The following NFXL1 variants were observed in gnomAD, a reference collection of about 807,000 sequenced individuals.
NFXL1 encodes NF-X1-type zinc finger protein NFXL1.
NFXL1 carries 66 observed loss-of-function variants against 123.3 expected under a neutral mutation model. The ratio of observed to expected loss-of-function variants is 0.54; its 90% CI spans 0.44 to 0.66. NFXL1 has a LOEUF of 0.66. Among genes scored for constraint, NFXL1 ranks in the 30% least tolerant of loss-of-function variants. The pLI, the probability that NFXL1 is intolerant of heterozygous loss-of-function variation, is 0.00. For missense variants in NFXL1, 944 were observed against 1,125.6 expected, an observed-to-expected ratio of 0.84 and a Z score of 2.31; for synonymous variants, 346 against 360.8, an observed-to-expected ratio of 0.96 and a Z score of 0.46.
chr4:47,891,049 T>G (rs1736735125), intron 11 of NFXL1, among the ~76,000 whole-genome samples: 1 of 152,160 alleles, frequency 6.6e-6, no homozygotes, highest in African/African-American at 2.4e-5. Flanking sequence ...TAAAAAAAAT[T>G]TAATTAAAAT....
chr4:47,880,608 A>G (rs970490667), intron 15 of NFXL1, among the ~76,000 whole-genome samples: 4 of 151,882 alleles, frequency 2.6e-5, no homozygotes, highest in Admixed American at 2.6e-4. Context: ...CACATGTATC[A>G]GTGCCATATT....
At chr4:47,891,702 AG>A (rs1357836902) in intron 11 of NFXL1, among the ~76,000 whole-genome samples, 1 of 152,228 alleles carries the variant, frequency 6.6e-6, no homozygotes, top group Non-Finnish European at 1.5e-5. Context: ...TGTATATAAG[AG>A]TAAGTTTCAT....
intron 8 of NFXL1, 117 bp from the exon 9 acceptor site, chr4:47,898,198 ATTATT>A: frequency 1.6e-6 from 1 of 618,266 alleles, no homozygotes; most frequent in Non-Finnish European, 2.8e-6. Flanking sequence ...CGTCCCTCAT[ATTATT>A]TTACTTTATA....
At chr4:47,888,689 A>G (rs906299902) in intron 12 of NFXL1, among the ~76,000 whole-genome samples, 1 of 151,000 alleles carries the variant, frequency 6.6e-6, no homozygotes, top group Admixed American at 6.6e-5. Context: ...TGCAATCTGC[A>G]AAACTCAGAC....
At chr4:47,913,877 G>A in intron 2 of NFXL1, 92 bp downstream of exon 2, 6 of 830,858 alleles carry the variant, frequency 7.2e-6, no homozygotes, top group Non-Finnish European at 1.8e-6. Flanking sequence ...GGGAAAAGCA[G>A]TGAAAGAAAG....
At chr4:47,906,490 A>C (rs1042898182) in intron 3 of NFXL1, among the ~76,000 whole-genome samples, 1 of 152,184 alleles carries the variant, frequency 6.6e-6, no homozygotes, top group Non-Finnish European at 1.5e-5. Context: ...GATTTAGAAC[A>C]TTAAGCAAAA....
At chr4:47,851,200 A>G in intron 21 of NFXL1, 52 bp from the exon 22 acceptor site, 1 of 1,364,028 alleles carries the variant, frequency 7.3e-7, no homozygotes. Flanking sequence ...CACATTTTAT[A>G]TGGAATTTTA....
At chr4:47,894,430 A>G (rs1255302593) in intron 10 of NFXL1, 128 bp from the exon 11 acceptor site, 2 of 529,798 alleles carry the variant, frequency 3.8e-6, no homozygotes, top group Non-Finnish European at 6.1e-6. Context: ...AACAAACTTT[A>G]CCAAAAACCA....
chr4:47,851,995 T>C (rs1474122358), intron 20 of NFXL1, 53 bp from the exon 21 acceptor site: 13 of 1,290,960 alleles, frequency 1.0e-5, no homozygotes, highest in Non-Finnish European at 1.5e-5. Context: ...CAAAGACCTG[T>C]CTGCCATAAA....
Position 47,867,642 on chromosome 4 carries a change from TGGA to T in NFXL1, c.2247-4730_2247-4728del, listed in dbSNP as rs35467475. ...TAATAAAAACATTAGATTTTAAAGA[TGGA>T]GGAGGAGGAGGAGGGAAGTGAAGGA... is the stretch of plus-strand genomic sequence containing the variant. On this transcript the variant is annotated intron_variant, in intron 18 of 22. Coordinates refer to ENST00000507489, the MANE Select transcript of NFXL1 (RefSeq NM_001278624.2). Among the ~76,000 whole-genome samples the T allele has an allele frequency of 5.3e-5, 8 of 151,264 alleles. No homozygotes were observed. The East Asian group carries it at 9.7e-4, about 18-fold the overall frequency.
intron 16 of NFXL1, among the ~76,000 whole-genome samples, chr4:47,878,885 A>G (rs1213368712): frequency 1.3e-5 from 2 of 152,148 alleles, no homozygotes; most frequent in East Asian, 1.9e-4. Flanking sequence ...GGAAAATTCA[A>G]TATGATTCTG....
chr4:47,914,044 C>T lies in NFXL1; in HGVS notation c.160G>A (p.Val54Ile). The T allele has an allele frequency of 3.9e-6, 6 of 1,549,582 alleles. No individual in the cohort carries two copies. In the South Asian group the frequency reaches 7.1e-5, roughly 18 times the overall value. The part of the protein sequence containing the change: ...AVPSGTSPGG[V>I]ATTAAAGSRH... ...CTCCCTGCAGCCGCCGTGGTCGCGA[C>T]TCCTCCGGGACTGGTGCCAGAAGGA... The change falls in exon 2 of 23, where the codon GTC becomes ATC. Residue 54 changes from valine to isoleucine, a missense_variant. By Grantham distance (29) the Val-to-Ile change is conservative. Transcript: ENST00000507489.
chr4:47,876,154 A>C (rs1427125058), intron 17 of NFXL1, among the ~76,000 whole-genome samples: 1 of 152,040 alleles, frequency 6.6e-6, no homozygotes, highest in Non-Finnish European at 1.5e-5. Context: ...CAAATTATAA[A>C]AATATTATTT....
rs149660850 is a variant in NFXL1 at position 47,849,744 on chromosome 4, G to A, written c.2562+1351C>T. On this transcript the variant is annotated intron_variant, in intron 22 of 22. Coordinates refer to ENST00000507489, the MANE Select transcript of NFXL1 (RefSeq NM_001278624.2). The stretch of plus-strand genomic sequence containing the variant: ...ATGTGCTGTATACAGTGATCCCTCA[G>A]TATCTGTAGGAAATTGGTTCTAGGA... Among the ~76,000 whole-genome samples, 971 of 152,204 alleles carry A rather than the reference G, an allele frequency of 6.4e-3. 3 individuals carry two copies. Among genetic ancestry groups the A allele is most frequent in the Non-Finnish European group, 1.0e-2 (678 of 67,980 alleles).
At position 47,878,595 on chromosome 4, in the gene NFXL1, C is replaced by A. The variant is rs761863265; in HGVS notation, c.2009G>T (p.Cys670Phe). 1 of 1,608,338 alleles carries A rather than the reference C, an allele frequency of 6.2e-7. No homozygotes were observed. Among genetic ancestry groups the A allele is most frequent in the Non-Finnish European group, 8.5e-7 (1 of 1,176,934 alleles). Residue 670 changes from cysteine (C) to phenylalanine (F), a missense_variant, in exon 17 of 23, where the codon TGT (cysteine) becomes TTT (phenylalanine). Coordinates refer to ENST00000507489, the MANE Select transcript of NFXL1 (RefSeq NM_001278624.2). ...TTCTTTCATACATGTGTGATTCTGA[C>A]AATCCAAGATTCTTCCACAAACTCT... ...CKRVCGRILD[C>F]QNHTCMKECH...
At chr4:47,896,699 T>C in intron 9 of NFXL1, 52 bp from the exon 10 acceptor site, 1 of 1,314,598 alleles carries the variant, frequency 7.6e-7, no homozygotes, top group Non-Finnish European at 1.1e-6. Flanking sequence ...TTATTAAACA[T>C]CAACAAAGTG....
At chr4:47,890,157 G>A (rs1050327793) in intron 12 of NFXL1, among the ~76,000 whole-genome samples, 3 of 151,894 alleles carry the variant, frequency 2.0e-5, no homozygotes, top group African/African-American at 7.3e-5. Flanking sequence ...TTGTAAAGGG[G>A]TCATGACATC....
chr4:47,911,150 G>A (rs574650142), intron 2 of NFXL1, among the ~76,000 whole-genome samples, 156 bp from the exon 3 acceptor site: 250 of 152,174 alleles, frequency 1.6e-3, no homozygotes, highest in Non-Finnish European at 2.3e-3. Flanking sequence ...CAAATTCCTT[G>A]ACACACAACT....
At position 47,903,329 on chromosome 4, in the gene NFXL1, A is replaced by T; in HGVS notation, c.517-6T>A. 1 of 1,508,646 alleles carries T rather than the reference A, an allele frequency of 6.6e-7. No homozygotes were observed. The highest frequency in any genetic ancestry group is 1.3e-5 in the South Asian group (1 of 75,390). The allele number at this position is 1,508,646 out of a possible 1,614,324, so 93.5% of individuals were successfully genotyped here. On this transcript the variant is annotated splice_polypyrimidine_tract_variant and splice_region_variant and intron_variant, in intron 4 of 22. Coordinates refer to ENST00000507489, the MANE Select transcript of NFXL1 (RefSeq NM_001278624.2). ...CATCCCGAACAGCTCCAAACCTAAGACAAATGTATCAGAAGTTAATATATG... is the reference window on the plus strand; with the variant it reads ...CATCCCGAACAGCTCCAAACCTAAGTCAAATGTATCAGAAGTTAATATATG...
Sources: allele counts gnomAD v4.1 joint callset (sites outside exome capture counted in the v4.1 genomes callset), GRCh38; gene constraint gnomAD v4.1.1; transcripts MANE v1.5; gene names NCBI Gene and HGNC (gene_info 2026-07-23, HGNC 2026-07-21).